The following KLHDC8A variants were observed in gnomAD, a reference collection of about 807,000 sequenced individuals.
The protein encoded by KLHDC8A is kelch domain-containing protein 8A.
A neutral mutation model predicts 33.1 loss-of-function variants in KLHDC8A; 21 were observed. The ratio of observed to expected loss-of-function variants is 0.64; its 90% CI spans 0.45 to 0.91. The LOEUF (loss-of-function observed/expected upper bound fraction) is 0.91. Among genes scored for constraint, KLHDC8A ranks in the 40% least tolerant of loss-of-function variants. The pLI, the probability that KLHDC8A is intolerant of heterozygous loss-of-function variation, is 0.00. For missense variants in KLHDC8A, 435 were observed against 483.3 expected, an observed-to-expected ratio of 0.90 and a Z score of 0.94; for synonymous variants, 173 against 193.5, an observed-to-expected ratio of 0.89 and a Z score of 0.88.
chr1:205,343,299 G>C lies in KLHDC8A; in HGVS notation c.306C>G (p.Ile102Met). ...TCCTCTTCTTCCACTTGCCCTCATC[G>C]ATGTTGTACATCTCCACGACCTTCA... ...LPLKVVEMYN[I>M]DEGKWKKRSM... Residue 102 changes from isoleucine (I) to methionine (M), a missense_variant, in exon 2 of 6, where the codon ATC (isoleucine) becomes ATG (methionine). Physicochemically the swap from Ile to Met is conservative, Grantham distance 10. Transcript: ENST00000367155. 6.2e-7 allele frequency: 1 copy of C among 1,613,162 alleles called. No individual in the cohort carries two copies. The highest frequency in any genetic ancestry group is 8.5e-7 in the Non-Finnish European group (1 of 1,179,714).
intron 2 of KLHDC8A, among the ~76,000 whole-genome samples, chr1:205,342,946 C>T (rs1662829727): frequency 1.3e-5 from 2 of 152,060 alleles, no homozygotes. Context: ...AATCAGGTCC[C>T]AAAGCCCTCT....
At chr1:205,347,116 C>T (rs765086291) in intron 1 of KLHDC8A, among the ~76,000 whole-genome samples, 15 of 152,294 alleles carry the variant, frequency 9.8e-5, no homozygotes, top group Admixed American at 2.0e-4. Flanking sequence ...TCTTCCTCTC[C>T]GCCAGGTAAC....
chr1:205,338,564 G>A lies in KLHDC8A; in HGVS notation c.790C>T (p.Leu264Phe), dbSNP rs1662699016. 1.9e-6 allele frequency: 3 copies of A among 1,614,012 alleles called. No homozygotes were observed. The Admixed American group carries it at 5.0e-5, about 27-fold the overall frequency. ...ACAAAATCTGCCCGCCGCTTCTTGA[G>A]GAAGAACGATCGTTCCATCTTCAGC... ...GWLKMERSFF[L>F]KKRRADFVAG... Residue 264 changes from leucine to phenylalanine, a missense_variant, in exon 5 of 6, where the codon CTC becomes TTC. Leu to Phe is a conservative substitution (Grantham distance 22). Coordinates refer to ENST00000367155, the MANE Select transcript of KLHDC8A (RefSeq NM_018203.3).
Position 205,337,160 on chromosome 1 carries a change from G to A in KLHDC8A, c.*239C>T. 1 of 546,304 alleles carries A rather than the reference G, an allele frequency of 1.8e-6. No homozygotes were observed. The highest frequency in any genetic ancestry group is 3.3e-6 in the Non-Finnish European group (1 of 305,244). The allele number at this position is 546,304 out of a possible 1,614,324, so 33.8% of individuals were successfully genotyped here. On this transcript the variant is annotated 3_prime_UTR_variant, in exon 6 of 6. Coordinates refer to ENST00000367155, the MANE Select transcript of KLHDC8A (RefSeq NM_018203.3). Reference sequence around the variant, plus strand: ...TTTCTTTGCCTGTGCAGTAAGTGAAGACTCTCTTCAGAGTCAGCTCTGCAG... The same window carrying A: ...TTTCTTTGCCTGTGCAGTAAGTGAAAACTCTCTTCAGAGTCAGCTCTGCAG...
At chr1:205,344,212 C>G (rs1264555398) in intron 1 of KLHDC8A, 1 of 152,302 alleles carries the variant, frequency 6.6e-6, no homozygotes, top group Non-Finnish European at 1.5e-5. Flanking sequence ...CCCCGCTGCA[C>G]GGGAGCCGGG....
At chr1:205,350,816 T>TGTGTGTGCATGCGTGTGG (rs1663079304) in intron 1 of KLHDC8A, among the ~76,000 whole-genome samples, 1 of 151,886 alleles carries the variant, frequency 6.6e-6, no homozygotes, top group Non-Finnish European at 1.5e-5. Flanking sequence ...TGTGCATGTG[T>TGTGTGTGCATGCGTGTGG]GTGTGTGCAT....
At position 205,339,557 on chromosome 1, in the gene KLHDC8A, G is replaced by T; in HGVS notation, c.541+87C>A. The T allele has an allele frequency of 6.7e-7, 1 of 1,491,908 alleles. No individual in the cohort carries two copies. The highest frequency in any genetic ancestry group is 9.2e-7 in the Non-Finnish European group (1 of 1,081,698). The allele number at this position is 1,491,908 out of a possible 1,614,324, so 92.4% of individuals were successfully genotyped here. ...GTGTGATTATCCCCAGTGCCGAGGA[G>T]ATGCTCAGCACACAGGCACTGCTTC... On this transcript the variant is annotated intron_variant, in intron 3 of 5. Coordinates refer to ENST00000367155, the MANE Select transcript of KLHDC8A (RefSeq NM_018203.3). This position sits in a 1 kb window ranked among gnomAD's most constrained non-coding sequence, Gnocchi z 5.1.
At chr1:205,338,406 T>C in intron 5 of KLHDC8A, 89 bp downstream of exon 5, 1 of 1,011,588 alleles carries the variant, frequency 9.9e-7, no homozygotes, top group South Asian at 1.3e-5. Context: ...CTGCAGGGAG[T>C]CAGTACCCTT....
intron 1 of KLHDC8A, among the ~76,000 whole-genome samples, chr1:205,353,741 G>A (rs184365254): frequency 1.3e-5 from 2 of 152,262 alleles, no homozygotes; most frequent in East Asian, 3.9e-4. Flanking sequence ...GCAATGTTAA[G>A]TTGACACGGC....
chr1:205,346,397 C>CTTAG (rs1662948150), intron 1 of KLHDC8A, among the ~76,000 whole-genome samples: 1 of 152,152 alleles, frequency 6.6e-6, no homozygotes, highest in African/African-American at 2.4e-5. Context: ...GGAGTCCATC[C>CTTAG]TTAGCTTCTC....
chr1:205,347,386 G>GT (rs1387581924), intron 1 of KLHDC8A, among the ~76,000 whole-genome samples: 1 of 152,098 alleles, frequency 6.6e-6, no homozygotes, highest in African/African-American at 2.4e-5. Flanking sequence ...AAAATCTTGC[G>GT]TAACATTAAG....
At chr1:205,356,091 C>G (rs141567287) in intron 1 of KLHDC8A, among the ~76,000 whole-genome samples, 2 of 151,906 alleles carry the variant, frequency 1.3e-5, no homozygotes. Flanking sequence ...CCCTCCCCCC[C>G]TCCCTCCTTT....
rs1341803226 is a variant in KLHDC8A at position 205,336,520 on chromosome 1, A to C, written c.*879T>G. 4 of 152,636 alleles carry C rather than the reference A, an allele frequency of 2.6e-5. No homozygotes were observed. Among genetic ancestry groups the C allele is most frequent in the Non-Finnish European group, 5.9e-5 (4 of 68,044 alleles). 9.5% of individuals were successfully genotyped at this position (152,636 alleles called of 1,614,324 possible). On this transcript the variant is annotated 3_prime_UTR_variant, in exon 6 of 6. Coordinates refer to ENST00000367155, the MANE Select transcript of KLHDC8A (RefSeq NM_018203.3). ...CCCACACCAGGGTGCTAGAGAAGAT[A>C]GGAATATAGATTTTAATCATTGTGC...
chr1:205,345,085 G>T (rs999341701), intron 1 of KLHDC8A, among the ~76,000 whole-genome samples: 6 of 152,144 alleles, frequency 3.9e-5, no homozygotes, highest in Non-Finnish European at 8.8e-5. Context: ...TGCCCATGAG[G>T]CCAGAGAACC....
chr1:205,352,376 TAC>T (rs112930388), intron 1 of KLHDC8A, among the ~76,000 whole-genome samples: 15 of 150,196 alleles, frequency 1.0e-4, no homozygotes, highest in East Asian at 9.8e-4. Flanking sequence ...CACTTTACAT[TAC>T]ACACACACAC....
chr1:205,337,800 G>A (rs934368433), intron 5 of KLHDC8A, among the ~76,000 whole-genome samples: 1 of 152,064 alleles, frequency 6.6e-6, no homozygotes, highest in Non-Finnish European at 1.5e-5. Context: ...GTCTCTTTAA[G>A]AGTAAGCTTT....
chr1:205,340,674 C>G (rs530876507), intron 2 of KLHDC8A, among the ~76,000 whole-genome samples: 3 of 152,110 alleles, frequency 2.0e-5, no homozygotes, highest in Non-Finnish European at 4.4e-5. Context: ...GGGGTTTCAC[C>G]GTGTTGGCCA....
intron 1 of KLHDC8A, among the ~76,000 whole-genome samples, chr1:205,352,301 G>A (rs377097414): frequency 1.6e-4 from 24 of 152,280 alleles, no homozygotes; most frequent in African/African-American, 4.3e-4. Flanking sequence ...GGTCACTGGG[G>A]CAGGACCTGT....
chr1:205,347,100 C>T (rs1191336565), intron 1 of KLHDC8A, among the ~76,000 whole-genome samples: 1 of 152,224 alleles, frequency 6.6e-6, no homozygotes, highest in African/African-American at 2.4e-5. Flanking sequence ...CCATCTCCCC[C>T]ATCTCTCTTC....
Sources: gnomAD v4.1 joint callset for allele counts (sites outside exome capture counted in the v4.1 genomes callset) on GRCh38, gnomAD v4.1.1 for gene constraint, Gnocchi (gnomAD v3.1) non-coding constraint, MANE v1.5 for transcripts, NCBI Gene and HGNC (gene_info 2026-07-23, HGNC 2026-07-21) for gene names.